The following RGS7 variants were observed in gnomAD, a reference collection of about 807,000 sequenced individuals.
RGS7 encodes regulator of G protein signaling 7, also known as regulator of G-protein signaling 7.
A neutral mutation model predicts 81.1 loss-of-function variants in RGS7; 27 were observed. That is an observed-to-expected ratio of 0.33 (90% CI 0.25 to 0.46). The LOEUF (loss-of-function observed/expected upper bound fraction) is 0.46, where lower values mean the gene tolerates loss of function less well. Among genes scored for constraint, RGS7 ranks in the 20% least tolerant of loss-of-function variants. The pLI is 1.00. For missense variants in RGS7, 396 were observed against 607.4 expected (o/e 0.65, Z 3.66); for synonymous variants, 208 against 207.7 (o/e 1.00, Z -0.01).
At chr1:241,276,867 G>A (rs1199961764) in intron 2 of RGS7, among the ~76,000 whole-genome samples, 3 of 151,870 alleles carry the variant, frequency 2.0e-5, no homozygotes, top group South Asian at 2.1e-4. Flanking sequence ...ATTTCTTTTC[G>A]TTCTTTTTAA....
intron 2 of RGS7, among the ~76,000 whole-genome samples, chr1:241,283,065 T>C (rs1352308340): frequency 2.9e-4 from 44 of 152,192 alleles, no homozygotes; most frequent in Non-Finnish European, 4.4e-5. Context: ...CCTCCCTTCA[T>C]GTCCTTTTAT....
chr1:241,347,334 G>T (rs996325029), intron 2 of RGS7, among the ~76,000 whole-genome samples: 5 of 152,290 alleles, frequency 3.3e-5, no homozygotes, highest in African/African-American at 7.2e-5. Flanking sequence ...CTACTCAGGG[G>T]TGGGGTGAGA....
intron 4 of RGS7, among the ~76,000 whole-genome samples, chr1:240,954,098 T>C (rs2148446436): frequency 6.6e-6 from 1 of 152,176 alleles, no homozygotes; most frequent in African/African-American, 2.4e-5. Flanking sequence ...AAATTATTGA[T>C]TGAATCAATA....
At chr1:241,306,820 T>C (rs1210718633) in intron 2 of RGS7, among the ~76,000 whole-genome samples, 1 of 152,044 alleles carries the variant, frequency 6.6e-6, no homozygotes, top group Non-Finnish European at 1.5e-5. Context: ...TGCACACACA[T>C]ACACACATCT....
intron 2 of RGS7, among the ~76,000 whole-genome samples, chr1:241,257,574 T>C (rs1263663175): frequency 6.6e-6 from 1 of 152,232 alleles, no homozygotes; most frequent in Admixed American, 6.5e-5. Context: ...TTATCTAATT[T>C]AAGGGGAAAC....
At chr1:240,788,289 C>G (rs1685402388) in intron 18 of RGS7, among the ~76,000 whole-genome samples, 1 of 152,106 alleles carries the variant, frequency 6.6e-6, no homozygotes, top group Non-Finnish European at 1.5e-5. Context: ...GCTATGGGAA[C>G]AAATGGAACA....
intron 6 of RGS7, among the ~76,000 whole-genome samples, chr1:240,883,355 C>CA (rs1666767146): frequency 6.6e-6 from 1 of 151,952 alleles, no homozygotes; most frequent in Non-Finnish European, 1.5e-5. Context: ...TTTAAAAAAA[C>CA]AAAAAACAAT....
In RGS7 at chr1:241,200,523, A is replaced by T. The variant is rs542043362; in HGVS notation, c.79-101761T>A. Among the ~76,000 whole-genome samples, 47 of 152,266 alleles carry T rather than the reference A, an allele frequency of 3.1e-4. 1 individual carries two copies. In the East Asian group the frequency reaches 3.5e-3, roughly 11 times the overall value. ...CTAATTCTGGCTCTAATAGGGATGC[A>T]CTGGTTGACTTAAATTAGCTCCTTC... On this transcript the variant is annotated intron_variant, in intron 2 of 18. Transcript: ENST00000440928.
intron 3 of RGS7, among the ~76,000 whole-genome samples, chr1:240,997,471 T>G (rs1377824370): frequency 6.6e-6 from 1 of 152,186 alleles, no homozygotes; most frequent in African/African-American, 2.4e-5. Context: ...TTCCTCTATG[T>G]ACATTTAGAA....
At chr1:241,356,354 G>A (rs1010092705) in intron 1 of RGS7, among the ~76,000 whole-genome samples, 7 of 152,048 alleles carry the variant, frequency 4.6e-5, no homozygotes, top group African/African-American at 1.4e-4. Context: ...TATTCCCCCG[G>A]GTCTCCCACA....
chr1:241,318,636 G>T (rs1236054946), intron 2 of RGS7, among the ~76,000 whole-genome samples: 1 of 151,594 alleles, frequency 6.6e-6, no homozygotes, highest in African/African-American at 2.4e-5. Context: ...TCTTATTTTT[G>T]TTGTTGTTGT....
chr1:241,186,824 G>C (rs1321290797), intron 2 of RGS7, among the ~76,000 whole-genome samples: 2 of 152,070 alleles, frequency 1.3e-5, no homozygotes, highest in African/African-American at 2.4e-5. Context: ...ACCGCGCCCG[G>C]CCATCTAACA....
intron 6 of RGS7, among the ~76,000 whole-genome samples, chr1:240,893,802 G>C (rs1262048054): frequency 6.6e-6 from 1 of 152,142 alleles, no homozygotes; most frequent in Admixed American, 6.6e-5. Context: ...ATATGAGATT[G>C]AAGAGTTTTT....
Position 241,020,841 on chromosome 1 carries a change from T to C in RGS7, c.176-37712A>G, listed in dbSNP as rs138398114. On this transcript the variant is annotated intron_variant, in intron 3 of 18. Transcript: ENST00000440928. ...TCAGTGCCAGACAGTCAAGAAAACATGATCTACTGTATCAACTTACTGTTT... is the reference window on the plus strand; with the variant it reads ...TCAGTGCCAGACAGTCAAGAAAACACGATCTACTGTATCAACTTACTGTTT... Among the ~76,000 whole-genome samples the C allele has an allele frequency of 1.1e-4, 17 of 152,314 alleles. No homozygotes were observed. In the East Asian group the frequency reaches 3.1e-3, roughly 28 times the overall value.
At chr1:241,206,719 C>T (rs12722977) in intron 2 of RGS7, among the ~76,000 whole-genome samples, 18,994 of 152,074 alleles carry the variant, frequency 0.12, 1,334 homozygotes, top group Admixed American at 0.18. Flanking sequence ...TTCCTCCTTA[C>T]GGCATTGGGA....
chr1:241,230,208 TTTTATTTA>T (rs778993707), intron 2 of RGS7, among the ~76,000 whole-genome samples: 2 of 152,042 alleles, frequency 1.3e-5, no homozygotes, highest in Non-Finnish European at 2.9e-5. Context: ...AAAAACTAAT[TTTTATTTA>T]TTTATTTATT....
At chr1:240,910,434 G>C (rs1671559253) in intron 6 of RGS7, among the ~76,000 whole-genome samples, 1 of 152,146 alleles carries the variant, frequency 6.6e-6, no homozygotes, top group Non-Finnish European at 1.5e-5. Flanking sequence ...CTAGAGGCTG[G>C]GATAGGCAGG....
chr1:240,975,981 A>G (rs938217525), intron 4 of RGS7, among the ~76,000 whole-genome samples: 4 of 152,250 alleles, frequency 2.6e-5, no homozygotes, highest in Admixed American at 1.3e-4. Flanking sequence ...GGATGAGGCA[A>G]TAGCAAATGT....
At chr1:241,205,612 C>T (rs1025399347) in intron 2 of RGS7, among the ~76,000 whole-genome samples, 4 of 151,770 alleles carry the variant, frequency 2.6e-5, no homozygotes, top group Admixed American at 6.6e-5. Context: ...ACCACCACAC[C>T]CAGCTAATTT....
Sources: allele counts gnomAD v4.1 joint callset (sites outside exome capture counted in the v4.1 genomes callset), GRCh38; gene constraint gnomAD v4.1.1; transcripts MANE v1.5; gene names NCBI Gene and HGNC (gene_info 2026-07-23, HGNC 2026-07-21).